VAT1L: variants seen among roughly 807,000 people sequenced by gnomAD.
The protein encoded by VAT1L is putative NADPH-dependent quinone oxidoreductase VAT1L.
VAT1L carries 34 observed loss-of-function variants against 44.1 expected under a neutral mutation model. That is an observed-to-expected ratio of 0.77 (90% CI 0.59 to 1.03). VAT1L has a LOEUF of 1.03. VAT1L is among the 50% of genes least tolerant of loss of function. VAT1L has a pLI of 0.00. For missense variants in VAT1L, 615 were observed against 538.8 expected, an observed-to-expected ratio of 1.14 and a Z score of -1.40; for synonymous variants, 253 against 202.2, an observed-to-expected ratio of 1.25 and a Z score of -2.13.
chr16:77,966,797 C>T (rs1264750088), intron 7 of VAT1L, among the ~76,000 whole-genome samples: 1 of 152,082 alleles, frequency 6.6e-6, no homozygotes. Flanking sequence ...ACTGACAGCA[C>T]GTGGCAATTT....
chr16:77,888,965 T>C (rs1199024435), intron 7 of VAT1L, among the ~76,000 whole-genome samples: 1 of 152,208 alleles, frequency 6.6e-6, no homozygotes, highest in East Asian at 1.9e-4. Context: ...TCTGCCGGCT[T>C]TCTGCAATAT....
chr16:77,943,621 C>G (rs1041339888), intron 7 of VAT1L, among the ~76,000 whole-genome samples: 3 of 150,806 alleles, frequency 2.0e-5, no homozygotes, highest in Non-Finnish European at 4.4e-5. Flanking sequence ...CCAGGATGGT[C>G]TCGATTTCCT....
intron 6 of VAT1L, among the ~76,000 whole-genome samples, chr16:77,880,662 C>T (rs1400590088): frequency 8.9e-6 from 1 of 112,964 alleles, no homozygotes; most frequent in African/African-American, 3.5e-5. Context: ...AGGTTTTTTG[C>T]CCGGGTATTG....
intron 4 of VAT1L, among the ~76,000 whole-genome samples, chr16:77,875,268 C>G (rs2142452573): frequency 6.6e-6 from 1 of 152,324 alleles, no homozygotes; most frequent in Non-Finnish European, 1.5e-5. Flanking sequence ...GACTTAGTCT[C>G]TGCACCCAGG....
intron 3 of VAT1L, among the ~76,000 whole-genome samples, chr16:77,845,851 C>A (rs1415933715): frequency 6.6e-6 from 1 of 152,196 alleles, no homozygotes; most frequent in African/African-American, 2.4e-5. Flanking sequence ...TCTAATATTA[C>A]CCTTATTAGA....
At position 77,843,818 on chromosome 16, in the gene VAT1L, C is replaced by T. The variant is rs191451220; in HGVS notation, c.579+18357C>T. On this transcript the variant is annotated intron_variant, in intron 3 of 8. Transcript: ENST00000302536. ...CACTCAGGGTCCCTCCCCAGCCATG[C>T]GACCCCACAGCATGGGGAGACAATT... 1.6e-3 allele frequency among the ~76,000 whole-genome samples: 249 copies of T among 152,306 alleles called. 3 individuals carry two copies. The highest frequency in any genetic ancestry group is 6.2e-4 in the South Asian group (3 of 4,828).
intron 7 of VAT1L, among the ~76,000 whole-genome samples, chr16:77,950,601 TATC>T (rs1184135283): frequency 1.3e-5 from 2 of 152,236 alleles, no homozygotes; most frequent in African/African-American, 2.4e-5. Context: ...AGCGTGATCT[TATC>T]ATGTTAATGA....
Position 77,885,854 on chromosome 16 carries a change from G to T in VAT1L, c.1077+1052G>T, listed in dbSNP as rs573864541. On this transcript the variant is annotated intron_variant, in intron 7 of 8. Coordinates refer to ENST00000302536, the MANE Select transcript of VAT1L (RefSeq NM_020927.3). ...CTAAGCACAGAAATACCACTAGAAA[G>T]GCTCTTTGGGGGTCACTGTATATTC... 3.2e-3 allele frequency among the ~76,000 whole-genome samples: 486 copies of T among 152,240 alleles called. 1 individual carries two copies. Among genetic ancestry groups the T allele is most frequent in the Non-Finnish European group, 3.9e-3 (267 of 68,028 alleles).
intron 3 of VAT1L, among the ~76,000 whole-genome samples, chr16:77,835,467 A>C (rs985534780): frequency 5.3e-5 from 8 of 152,224 alleles, no homozygotes; most frequent in Admixed American, 5.2e-4. Flanking sequence ...TGCTGAGTCC[A>C]CTTCCTTCAA....
chr16:77,924,521 C>T (rs1275479803), intron 7 of VAT1L, among the ~76,000 whole-genome samples: 1 of 152,010 alleles, frequency 6.6e-6, no homozygotes, highest in Non-Finnish European at 1.5e-5. Context: ...AGTGCAGTGA[C>T]ACAATCTCGG....
intron 7 of VAT1L, among the ~76,000 whole-genome samples, chr16:77,962,739 A>AGAAGGAAAGAAG (rs2018175748): frequency 2.3e-5 from 3 of 129,328 alleles, no homozygotes; most frequent in African/African-American, 8.8e-5. Context: ...AAAGAAGGAA[A>AGAAGGAAAGAAG]GAAGGAAGGA....
At chr16:77,862,665 A>G in intron 3 of VAT1L, 83 bp from the exon 4 acceptor site, 1 of 1,000,024 alleles carries the variant, frequency 1.0e-6, no homozygotes, top group East Asian at 2.9e-5. Flanking sequence ...GTGCCGATGG[A>G]GAAATCCTGC....
chr16:77,940,871 A>G (rs554479487), intron 7 of VAT1L, among the ~76,000 whole-genome samples: 3 of 152,084 alleles, frequency 2.0e-5, no homozygotes, highest in Admixed American at 6.5e-5. Flanking sequence ...CTCCCTCTCA[A>G]TCTTCCCAAT....
intron 3 of VAT1L, among the ~76,000 whole-genome samples, chr16:77,856,626 TGTTACCACA>T (rs1376064749): frequency 6.6e-6 from 1 of 152,214 alleles, no homozygotes; most frequent in Non-Finnish European, 1.5e-5. Context: ...TCAGCTCCCT[TGTTACCACA>T]GTCCCTGGAT....
chr16:77,888,666 T>A (rs1233874272), intron 7 of VAT1L, among the ~76,000 whole-genome samples: 3 of 152,222 alleles, frequency 2.0e-5, no homozygotes, highest in African/African-American at 4.8e-5. Context: ...TGTAGAATGG[T>A]GAGCAGCATC....
At chr16:77,939,569 T>TAA (rs777618164) in intron 7 of VAT1L, among the ~76,000 whole-genome samples, 2 of 152,176 alleles carry the variant, frequency 1.3e-5, no homozygotes, top group Non-Finnish European at 2.9e-5. Context: ...GCTCTCTCCC[T>TAA]AAATCCAGTA....
At chr16:77,932,408 A>G (rs556728842) in intron 7 of VAT1L, among the ~76,000 whole-genome samples, 11 of 152,198 alleles carry the variant, frequency 7.2e-5, no homozygotes, top group Non-Finnish European at 1.2e-4. Context: ...CCCAACCAAA[A>G]TACAGTAAAT....
At chr16:77,910,599 G>A (rs974910447) in intron 7 of VAT1L, among the ~76,000 whole-genome samples, 5 of 150,538 alleles carry the variant, frequency 3.3e-5, no homozygotes, top group Admixed American at 1.3e-4. Flanking sequence ...GCATGAACCC[G>A]GGAGGTGGAG....
In VAT1L at chr16:77,976,069, T is replaced by C. The variant is rs891457657; in HGVS notation, c.1162-1528T>C. Reference sequence around the variant, plus strand: ...GCATATTGGTGACTATGTATTATAATATACACTACTAAGGAACAGCTTAGC... The same window carrying C: ...GCATATTGGTGACTATGTATTATAACATACACTACTAAGGAACAGCTTAGC... On this transcript the variant is annotated intron_variant, in intron 8 of 8. Coordinates refer to ENST00000302536, the MANE Select transcript of VAT1L (RefSeq NM_020927.3). Among the ~76,000 whole-genome samples, 5 of 152,244 alleles carry C rather than the reference T, an allele frequency of 3.3e-5. No homozygotes were observed. The South Asian group carries it at 1.0e-3, about 32-fold the overall frequency.
Sources: gnomAD v4.1 joint callset for allele counts (sites outside exome capture counted in the v4.1 genomes callset) on GRCh38, gnomAD v4.1.1 for gene constraint, MANE v1.5 for transcripts, NCBI Gene and HGNC (gene_info 2026-07-23, HGNC 2026-07-21) for gene names.